Variants in MMP19 observed in about 807,000 individuals in gnomAD.
MMP19 encodes the protein matrix metallopeptidase 19.
MMP19 carries 47 observed loss-of-function variants against 46.6 expected under a neutral mutation model. That is an observed-to-expected ratio of 1.01 (90% confidence interval 0.80 to 1.29). MMP19 has a LOEUF of 1.29. Ranked by LOEUF, MMP19 falls within the 50% of genes most tolerant of loss-of-function variation. The pLI, the probability that MMP19 is intolerant of heterozygous loss-of-function variation, is 0.00. For missense variants in MMP19, 589 were observed against 643.5 expected, an observed-to-expected ratio of 0.92 and a Z score of 0.92; for synonymous variants, 222 against 248.5, an observed-to-expected ratio of 0.89 and a Z score of 1.00.
intron 4 of MMP19, chr12:55,840,068 G>T: frequency 3.6e-6 from 1 of 281,444 alleles, no homozygotes; most frequent in Admixed American, 4.8e-5. Flanking sequence ...GCTCACACCT[G>T]TAATCCCAAC....
chr12:55,838,466 C>T (rs764930861), intron 6 of MMP19, 140 bp downstream of exon 6: 5 of 1,595,496 alleles, frequency 3.1e-6, no homozygotes, highest in Non-Finnish European at 4.3e-6. Context: ...TGTCACATGT[C>T]TCCTTCCATG....
intron 1 of MMP19, 133 bp from the exon 2 acceptor site, chr12:55,842,571 G>A (rs529904031): frequency 2.2e-6 from 2 of 891,492 alleles, no homozygotes; most frequent in African/African-American, 3.3e-5. Context: ...CCTTAGAGAA[G>A]GGGCTCAGGT....
intron 1 of MMP19, 108 bp from the exon 2 acceptor site, chr12:55,842,546 A>G (rs1881770414): frequency 1.0e-6 from 1 of 955,574 alleles, no homozygotes. Context: ...ATATGGAAGC[A>G]CTAATGGAGA....
At chr12:55,842,030 A>T (rs1881736083) in intron 2 of MMP19, among the ~76,000 whole-genome samples, 1 of 152,258 alleles carries the variant, frequency 6.6e-6, no homozygotes, top group African/African-American at 2.4e-5. Context: ...CACAAAAGGT[A>T]ATAGCATGTC....
In MMP19 at chr12:55,840,693, T is replaced by C. The variant is rs1279158843; in HGVS notation, c.494A>G (p.Tyr165Cys). ...RLSFHGRQSSYCSNTFDGPGR... is the reference protein window; with the variant it reads ...RLSFHGRQSSCCSNTFDGPGR... ...AGGCCCATCAAAAGTATTGGAACAG[T>C]ACGAGCTTTGGCGGCCATGGAAGGA... The change falls in exon 4 of 9, where the codon TAC (tyrosine) becomes TGC (cysteine). Residue 165 changes from tyrosine (Y) to cysteine (C), a missense_variant. Physicochemically the swap from Tyr to Cys is radical, Grantham distance 194 (BLOSUM62 -2). Transcript: ENST00000322569. The C allele has an allele frequency of 6.2e-7, 1 of 1,613,878 alleles. No homozygotes were observed. Among genetic ancestry groups the C allele is most frequent in the South Asian group, 1.1e-5 (1 of 91,076 alleles).
chr12:55,837,877 G>A lies in MMP19; in HGVS notation c.1026C>T (p.Tyr342=), dbSNP rs200911812. ...AGTGAATCCATTGTGTTCGAGGCGA[G>A]TAGACAGCAGCATCCAGGTTTCCGG... ...GLPGNLDAAV[Y]SPRTQWIHFF... The change falls in exon 7 of 9, where the codon TAC becomes TAT. Residue 342 remains tyrosine (Y), a synonymous_variant. Coordinates refer to ENST00000322569, the MANE Select transcript of MMP19 (RefSeq NM_002429.6). 6.2e-7 allele frequency: 1 copy of A among 1,612,816 alleles called. No homozygotes were observed. The highest frequency in any genetic ancestry group is 2.2e-5 in the East Asian group (1 of 44,826).
intron 4 of MMP19, 88 bp downstream of exon 4, chr12:55,840,579 C>A: frequency 7.4e-7 from 1 of 1,355,726 alleles, no homozygotes; most frequent in Non-Finnish European, 1.0e-6. Flanking sequence ...AAGAGCAGCC[C>A]AAACATCAAG....
intron 2 of MMP19, 52 bp from the exon 3 acceptor site, chr12:55,841,288 T>G (rs1368544607): frequency 1.9e-6 from 3 of 1,583,014 alleles, no homozygotes; most frequent in Middle Eastern, 1.7e-4. Context: ...CTGAAATGAC[T>G]GGGAGATGAT....
At chr12:55,838,585 C>T in intron 6 of MMP19, 21 bp downstream of exon 6, 1 of 1,614,152 alleles carries the variant, frequency 6.2e-7, no homozygotes, top group Non-Finnish European at 8.5e-7. Context: ...CTGCCAACAG[C>T]CTGGAGGGGA....
Position 55,842,911 on chromosome 12 carries a change from G to T in MMP19, c.-81C>A. 1 of 1,079,536 alleles carries T rather than the reference G, an allele frequency of 9.3e-7. No homozygotes were observed. 66.9% of individuals were successfully genotyped at this position (1,079,536 alleles called of 1,614,324 possible). A position where few individuals can be genotyped will look rare whatever the true frequency, so the allele number is the denominator to read the frequency against. ...GGGAGCCTTGGGGGAGCAGTGCTAG[G>T]CAGAGGGGCTCTTACCCCCAGTTCT... On this transcript the variant is annotated 5_prime_UTR_variant, in exon 1 of 9. Coordinates refer to ENST00000322569, the MANE Select transcript of MMP19 (RefSeq NM_002429.6).
intron 2 of MMP19, 62 bp from the exon 3 acceptor site, chr12:55,841,298 T>C: frequency 7.0e-6 from 11 of 1,574,848 alleles, no homozygotes; most frequent in Non-Finnish European, 9.5e-6. Flanking sequence ...TGGGAGATGA[T>C]TGCTCTTTGA....
chr12:55,836,954 T>G lies in MMP19; in HGVS notation c.*82A>C. The G allele has an allele frequency of 7.7e-7, 1 of 1,305,618 alleles. No individual in the cohort carries two copies. Among genetic ancestry groups the G allele is most frequent in the Non-Finnish European group, 1.1e-6 (1 of 949,874 alleles). The allele number at this position is 1,305,618 out of a possible 1,614,324, so 80.9% of individuals were successfully genotyped here. On this transcript the variant is annotated 3_prime_UTR_variant, in exon 9 of 9. Transcript: ENST00000322569. ...AGGTATTTCATTCAGCTATTAGGCC[T>G]TAGGCTTCTGGGGGGGAAATGAAAG...
rs535438364 is a variant in MMP19, at chr12:55,837,341, G to A, written c.1222C>T (p.Arg408Ter). ...SGYWQWDELARTDFSSYPKPI... is the reference protein window; with the variant it reads ...SGYWQWDELA Reference sequence around the variant, plus strand: ...TTGGGGTAGCTGCTGAAGTCAGTTCGGGCTAGCTCGTCCCACTGCCAGTAC... The same window carrying A: ...TTGGGGTAGCTGCTGAAGTCAGTTCAGGCTAGCTCGTCCCACTGCCAGTAC... The change falls in exon 9 of 9, where the codon CGA (arginine) becomes TGA (stop). Residue 408 changes from arginine (R) to a stop codon, truncating the protein, a stop_gained. Transcript: ENST00000322569. LOFTEE classifies it low-confidence loss of function (END_TRUNC). 55 of 1,606,738 alleles carry A rather than the reference G, an allele frequency of 3.4e-5. No individual in the cohort carries two copies. In the East Asian group the frequency reaches 9.6e-4, roughly 28 times the overall value.
In MMP19 at chr12:55,842,826, T is replaced by C. The variant is rs1881796971; in HGVS notation, c.5A>G (p.Asn2Ser). 6 of 1,595,320 alleles carry C rather than the reference T, an allele frequency of 3.8e-6. No individual in the cohort carries two copies. The highest frequency in any genetic ancestry group is 5.1e-6 in the Non-Finnish European group (6 of 1,171,614). M[N>S]CQQLWLGFLL... ...GAAGCCCAGCCACAGCTGCTGGCAG[T>C]TCATGGTCCCACCAGACGAGAGCTC... The change falls in exon 1 of 9, where the codon AAC becomes AGC. Residue 2 changes from asparagine (N) to serine (S), a missense_variant. Coordinates refer to ENST00000322569, the MANE Select transcript of MMP19 (RefSeq NM_002429.6).
At chr12:55,841,960 T>G (rs1881732296) in intron 2 of MMP19, among the ~76,000 whole-genome samples, 1 of 152,120 alleles carries the variant, frequency 6.6e-6, no homozygotes, top group Admixed American at 6.5e-5. Flanking sequence ...AGAAAAATAA[T>G]CCATTACATC....
chr12:55,840,771 ACATT>A lies in MMP19; in HGVS notation c.412_415del (p.Asn138TrpfsTer4). On this transcript the variant is annotated frameshift_variant, in exon 4 of 9. Transcript: ENST00000322569. LOFTEE classifies it high-confidence loss of function. ...CACCTCTTGGAAGGTCAAGGGAGCCACATTGCTCCAGTCCTGGAAGGCTTGACGC... is the reference window on the plus strand; with the variant it reads ...CACCTCTTGGAAGGTCAAGGGAGCCAGCTCCAGTCCTGGAAGGCTTGACGC... 6.2e-7 allele frequency: 1 copy of A among 1,614,084 alleles called. No homozygotes were observed. The highest frequency in any genetic ancestry group is 1.7e-4 in the Middle Eastern group (1 of 6,060).
At chr12:55,842,043 C>G (rs1399842239) in intron 2 of MMP19, among the ~76,000 whole-genome samples, 1 of 152,206 alleles carries the variant, frequency 6.6e-6, no homozygotes, top group Admixed American at 6.5e-5. Flanking sequence ...AGCATGTCAA[C>G]AACTCAACTC....
chr12:55,838,498 A>G lies in MMP19; in HGVS notation c.895+108T>C, dbSNP rs1881424582. On this transcript the variant is annotated intron_variant, in intron 6 of 8. Transcript: ENST00000322569. ...CATGGTCATTAATGCCTGGGGTCTA[A>G]CCTCCATTGCTCATGCTGAAGTCCC... 4 of 1,607,786 alleles carry G rather than the reference A, an allele frequency of 2.5e-6. 1 individual carries two copies. The Admixed American group carries it at 5.0e-5, about 20-fold the overall frequency.
At chr12:55,838,057 C>T in intron 6 of MMP19, 50 bp from the exon 7 acceptor site, 1 of 1,504,842 alleles carries the variant, frequency 6.6e-7, no homozygotes, top group South Asian at 1.4e-5. Flanking sequence ...GTCAAGTAGA[C>T]AGAAACTTGG....
Sources: allele counts gnomAD v4.1 joint callset (sites outside exome capture counted in the v4.1 genomes callset), GRCh38; gene constraint gnomAD v4.1.1; transcripts MANE v1.5; gene names NCBI Gene and HGNC (gene_info 2026-07-23, HGNC 2026-07-21).